Variants in PLA2G1B observed in about 807,000 individuals in gnomAD.
PLA2G1B encodes phospholipase A2.
A neutral mutation model predicts 12.5 loss-of-function variants in PLA2G1B; 12 were observed. The ratio of observed to expected loss-of-function variants is 0.96; its 90% CI spans 0.62 to 1.56. The LOEUF (loss-of-function observed/expected upper bound fraction) is 1.56, where lower values mean the gene tolerates loss of function less well. PLA2G1B is among the 40% of genes most tolerant of loss of function. The pLI is 0.00. For missense variants in PLA2G1B, 189 were observed against 186.7 expected, an observed-to-expected ratio of 1.01 and a Z score of -0.07; for synonymous variants, 81 against 73.4, an observed-to-expected ratio of 1.10 and a Z score of -0.53.
intron 2 of PLA2G1B, 130 bp downstream of exon 2, chr12:120,325,731 G>A: frequency 1.2e-6 from 1 of 852,250 alleles, no homozygotes; most frequent in Non-Finnish European, 1.8e-6. Flanking sequence ...TTGTTTATTT[G>A]ACAAGAGGTG....
At chr12:120,324,800 G>A (rs1399276399) in intron 3 of PLA2G1B, 134 bp downstream of exon 3, 3 of 857,468 alleles carry the variant, frequency 3.5e-6, no homozygotes, top group East Asian at 4.9e-5. Context: ...CCATAGTGTT[G>A]TTCTGAGGAT....
chr12:120,324,642 T>C (rs1270844258), intron 3 of PLA2G1B, among the ~76,000 whole-genome samples: 1 of 152,148 alleles, frequency 6.6e-6, no homozygotes, highest in Non-Finnish European at 1.5e-5. Context: ...TGCTCATGCC[T>C]GGGTGACAGA....
chr12:120,326,088 TC>T, intron 1 of PLA2G1B, 68 bp from the exon 2 acceptor site: 1 of 1,534,540 alleles, frequency 6.5e-7, no homozygotes, highest in Non-Finnish European at 8.9e-7. Context: ...GCCTTCCTGC[TC>T]CCTCGGGTCC....
intron 3 of PLA2G1B, 22 bp downstream of exon 3, chr12:120,324,912 G>T: frequency 6.2e-7 from 1 of 1,613,372 alleles, no homozygotes. Context: ...GAATTCATAG[G>T]TCAAGGAAGG....
intron 3 of PLA2G1B, among the ~76,000 whole-genome samples, chr12:120,323,324 G>A (rs1338093088): frequency 6.6e-6 from 1 of 151,862 alleles, no homozygotes; most frequent in Admixed American, 6.6e-5. Context: ...GGAGTGCAGT[G>A]GTGGGATCTC....
At chr12:120,325,127 C>T (rs1873315407) in intron 2 of PLA2G1B, 66 bp from the exon 3 acceptor site, 2 of 1,561,490 alleles carry the variant, frequency 1.3e-6, no homozygotes, top group Admixed American at 1.7e-5. Flanking sequence ...CCTCACCTGC[C>T]CACTCTCAGG....
At chr12:120,327,617 T>C in intron 1 of PLA2G1B, 103 bp downstream of exon 1, 1 of 1,114,598 alleles carries the variant, frequency 9.0e-7, no homozygotes, top group Middle Eastern at 2.8e-4. Context: ...ACTGCGGGGC[T>C]GGCCATCCCT....
chr12:120,326,095 G>T, intron 1 of PLA2G1B, 75 bp from the exon 2 acceptor site: 1 of 1,520,944 alleles, frequency 6.6e-7, no homozygotes, highest in Non-Finnish European at 9.0e-7. Flanking sequence ...TGCTCCCTCG[G>T]GTCCCACGCT....
chr12:120,326,148 G>T, intron 1 of PLA2G1B, 128 bp from the exon 2 acceptor site: 1 of 854,564 alleles, frequency 1.2e-6, no homozygotes, highest in Non-Finnish European at 1.8e-6. Flanking sequence ...AAGACCGTTG[G>T]ACCCAGGAAC....
intron 3 of PLA2G1B, 48 bp downstream of exon 3, chr12:120,324,886 T>C (rs545481216): frequency 6.2e-7 from 1 of 1,601,396 alleles, no homozygotes; most frequent in Admixed American, 1.7e-5. Context: ...CCCCCCGGCC[T>C]ACTGAGAACC....
In PLA2G1B at chr12:120,324,966, T is replaced by C. The variant is rs1195266461; in HGVS notation, c.290A>G (p.Tyr97Cys). 2 of 1,613,880 alleles carry C rather than the reference T, an allele frequency of 1.2e-6. No individual in the cohort carries two copies. The highest frequency in any genetic ancestry group is 8.5e-7 in the Non-Finnish European group (1 of 1,179,954). The change falls in exon 3 of 4, where the codon TAC becomes TGC. Residue 97 changes from tyrosine (Y) to cysteine (C), a missense_variant. By Grantham distance (194) the Tyr-to-Cys change is radical. Coordinates refer to ENST00000308366, the MANE Select transcript of PLA2G1B (RefSeq NM_000928.3). ...LDNPYTHTYSYSCSGSAITCS... is the reference protein window; with the variant it reads ...LDNPYTHTYSCSCSGSAITCS... ...GGTGATTGCCGAGCCAGAGCACGAG[T>C]ATGAATAGGTGTGGGTGTACGGGTT...
In PLA2G1B at chr12:120,324,984, T is replaced by C. The variant is rs753752935; in HGVS notation, c.272A>G (p.Tyr91Cys). 1.6e-5 allele frequency: 26 copies of C among 1,613,904 alleles called. No homozygotes were observed. Among genetic ancestry groups the C allele is most frequent in the Non-Finnish European group, 2.1e-5 (25 of 1,179,980 alleles). Residue 91 changes from tyrosine to cysteine, a missense_variant, in exon 3 of 4, where the codon TAC becomes TGC. By Grantham distance (194) the Tyr-to-Cys change is radical. Coordinates refer to ENST00000308366, the MANE Select transcript of PLA2G1B (RefSeq NM_000928.3). Reference sequence around the variant, plus strand: ...GCACGAGTATGAATAGGTGTGGGTGTACGGGTTGTCCAGCAGAAATTTACA... The same window carrying C: ...GCACGAGTATGAATAGGTGTGGGTGCACGGGTTGTCCAGCAGAAATTTACA... Reference protein sequence around the residue: ...DSCKFLLDNPYTHTYSYSCSG... With the variant: ...DSCKFLLDNPCTHTYSYSCSG...
chr12:120,324,828 A>T (rs574407659), intron 3 of PLA2G1B, 106 bp downstream of exon 3: 2 of 1,217,784 alleles, frequency 1.6e-6, no homozygotes, highest in South Asian at 2.6e-5. Context: ...GACACTGCCC[A>T]GAACCAAGAA....
intron 2 of PLA2G1B, 43 bp downstream of exon 2, chr12:120,325,818 C>A: frequency 1.2e-6 from 2 of 1,601,566 alleles, no homozygotes; most frequent in Non-Finnish European, 1.7e-6. Flanking sequence ...CCCCACCCCG[C>A]CCCCGGCAGG....
chr12:120,323,109 G>A (rs9657940), intron 3 of PLA2G1B, among the ~76,000 whole-genome samples: 331 of 152,206 alleles, frequency 2.2e-3, no homozygotes, highest in African/African-American at 7.3e-3. Flanking sequence ...TTTATGTAGA[G>A]TTTGAAGTTG....
At chr12:120,327,169 C>A (rs894841484) in intron 1 of PLA2G1B, among the ~76,000 whole-genome samples, 1 of 151,902 alleles carries the variant, frequency 6.6e-6, no homozygotes, top group African/African-American at 2.4e-5. Context: ...TACTTGAGAG[C>A]TACAAGTCCC....
Position 120,324,946 on chromosome 12 carries a change from T to C in PLA2G1B, c.310A>G (p.Ile104Val). ...GGGATAAACCTACTGCTACAGGTGA[T>C]TGCCGAGCCAGAGCACGAGTATGAA... The part of the protein sequence containing the change: ...TYSYSCSGSA[I>V]TCSSKNKECE... Residue 104 changes from isoleucine (I) to valine (V), a missense_variant, in exon 3 of 4, where the codon ATC (isoleucine) becomes GTC (valine). Coordinates refer to ENST00000308366, the MANE Select transcript of PLA2G1B (RefSeq NM_000928.3). The C allele has an allele frequency of 6.2e-7, 1 of 1,614,132 alleles. No individual in the cohort carries two copies. Among genetic ancestry groups the C allele is most frequent in the Middle Eastern group, 1.7e-4 (1 of 6,060 alleles).
At chr12:120,324,190 G>A (rs1873291867) in intron 3 of PLA2G1B, among the ~76,000 whole-genome samples, 1 of 152,096 alleles carries the variant, frequency 6.6e-6, no homozygotes, top group African/African-American at 2.4e-5. Context: ...GTGCACGCTT[G>A]TAATTCCAGC....
intron 2 of PLA2G1B, 94 bp downstream of exon 2, chr12:120,325,767 G>T: frequency 3.5e-6 from 4 of 1,142,146 alleles, no homozygotes; most frequent in Non-Finnish European, 5.1e-6. Context: ...TAGCAGATAT[G>T]CAAGTCCCCT....
Sources: gnomAD v4.1 joint callset for allele counts (sites outside exome capture counted in the v4.1 genomes callset) on GRCh38, gnomAD v4.1.1 for gene constraint, MANE v1.5 for transcripts, NCBI Gene and HGNC (gene_info 2026-07-23, HGNC 2026-07-21) for gene names.